RP1: variants seen among roughly 807,000 people sequenced by gnomAD.
RP1 encodes the protein oxygen-regulated protein 1.
Under a neutral mutation model 14.8 loss-of-function variants are expected in RP1, and 16 were observed. The observed-to-expected ratio is 1.08, with a 90% CI of 0.73 to 1.65. The LOEUF (loss-of-function observed/expected upper bound fraction) is 1.65. Among genes scored for constraint, RP1 ranks in the 40% most tolerant of loss-of-function variants. RP1 has a pLI of 0.00. For missense variants in RP1, 2,631 were observed against 2,535.0 expected (o/e 1.04, Z -0.81); for synonymous variants, 876 against 883.6 (o/e 0.99, Z 0.15).
chr8:54,575,593 C>T (rs955081742), intron 1 of RP1, among the ~76,000 whole-genome samples: 1 of 152,136 alleles, frequency 6.6e-6, no homozygotes, highest in Non-Finnish European at 1.5e-5. Flanking sequence ...TTACGACAAT[C>T]GTCACCTCGT....
chr8:54,652,785 A>G, exon 5 of RP1: 4 of 1,535,340 alleles, frequency 2.6e-6, no homozygotes, highest in Non-Finnish European at 2.6e-6. Flanking sequence ...CATAGATAAC[A>G]GTTGGAGACA....
downstream of RP1, among the ~76,000 whole-genome samples, chr8:54,771,454 A>G (rs1385387385): frequency 6.6e-6 from 1 of 152,082 alleles, no homozygotes; most frequent in African/African-American, 2.4e-5. Context: ...AACATCAGTG[A>G]TGTCAAACAT....
At chr8:54,621,914 C>G (rs573403551) in intron 2 of RP1, among the ~76,000 whole-genome samples, 26 of 152,258 alleles carry the variant, frequency 1.7e-4, no homozygotes, top group Admixed American at 7.8e-4. Context: ...GGGATCCCTG[C>G]TGGGACGTAA....
At chr8:54,708,584 C>T (rs1452150434) in intron 15 of RP1, among the ~76,000 whole-genome samples, 1 of 152,142 alleles carries the variant, frequency 6.6e-6, no homozygotes, top group African/African-American at 2.4e-5. Context: ...TGGTCTCGAT[C>T]TTCTGACCTC....
In RP1 at chr8:54,624,700, C is replaced by A. The variant is rs768609096; in HGVS notation, c.818C>A (p.Ser273Tyr). Residue 273 changes from serine to tyrosine, a missense_variant, in exon 4 of 4, where the codon TCC becomes TAC. Physicochemically the swap from Ser to Tyr is moderately radical, Grantham distance 144. Transcript: ENST00000220676. ...ACACATATGTCTTCAAGCTCAAGGT[C>A]CCAGATTTATTCTGTTTCTTCTGAG... is the stretch of plus-strand genomic sequence containing the variant. ...ISTHMSSSSRSQIYSVSSEKT... is the reference protein window; with the variant it reads ...ISTHMSSSSRYQIYSVSSEKT... The A allele has an allele frequency of 6.2e-7, 1 of 1,613,840 alleles. No individual in the cohort carries two copies. Among genetic ancestry groups the A allele is most frequent in the Non-Finnish European group, 8.5e-7 (1 of 1,179,922 alleles).
At chr8:54,762,759 C>T (rs998052973) in intron 22 of RP1, among the ~76,000 whole-genome samples, 1 of 152,184 alleles carries the variant, frequency 6.6e-6, no homozygotes, top group Non-Finnish European at 1.5e-5. Context: ...CAGGTGTCAT[C>T]GGGGCCTCAC....
At chr8:54,747,327 T>C (rs1809250460) in intron 19 of RP1, among the ~76,000 whole-genome samples, 1 of 152,208 alleles carries the variant, frequency 6.6e-6, no homozygotes, top group Non-Finnish European at 1.5e-5. Flanking sequence ...TCTCCTGCTT[T>C]AGAGGTCCTT....
intron 24 of RP1, among the ~76,000 whole-genome samples, chr8:54,802,621 C>A (rs952543421): frequency 2.6e-5 from 4 of 152,168 alleles, no homozygotes; most frequent in Non-Finnish European, 4.4e-5. Flanking sequence ...TCAAAGGCTG[C>A]TATTCATTTC....
At chr8:54,704,415 T>C (rs1057363139) in intron 14 of RP1, among the ~76,000 whole-genome samples, 2 of 152,206 alleles carry the variant, frequency 1.3e-5, no homozygotes, top group Admixed American at 1.3e-4. Flanking sequence ...CTGTCTTATA[T>C]GAGCATAGTT....
intron 22 of RP1, among the ~76,000 whole-genome samples, chr8:54,761,868 G>A (rs1418893635): frequency 6.6e-6 from 1 of 152,104 alleles, no homozygotes; most frequent in African/African-American, 2.4e-5. Flanking sequence ...ATTCTTAAAG[G>A]AGCAGAAGAG....
chr8:54,578,349 G>A (rs753566165), intron 1 of RP1, among the ~76,000 whole-genome samples: 6 of 152,036 alleles, frequency 3.9e-5, no homozygotes, highest in Non-Finnish European at 8.8e-5. Context: ...TGGGACTATA[G>A]GTGCACCATC....
intron 3 of RP1, among the ~76,000 whole-genome samples, chr8:54,642,655 A>G (rs1290377928): frequency 6.6e-6 from 1 of 152,160 alleles, no homozygotes; most frequent in Non-Finnish European, 1.5e-5. Context: ...TGCTACTTAG[A>G]TAAGGAGACT....
At chr8:54,790,212 G>C (rs185157505) in intron 24 of RP1, among the ~76,000 whole-genome samples, 5 of 152,264 alleles carry the variant, frequency 3.3e-5, no homozygotes, top group Admixed American at 3.3e-4. Context: ...CCACCTTGCA[G>C]CTCCACCCAA....
At chr8:54,824,400 G>A (rs2129397945) in intron 24 of RP1, among the ~76,000 whole-genome samples, 1 of 152,244 alleles carries the variant, frequency 6.6e-6, no homozygotes, top group East Asian at 1.9e-4. Context: ...CCTATAATCA[G>A]CAAGGAAATT....
chr8:54,727,467 G>C (rs2129353135), intron 17 of RP1, among the ~76,000 whole-genome samples: 1 of 152,110 alleles, frequency 6.6e-6, no homozygotes, highest in South Asian at 2.1e-4. Context: ...AAATCCCTGG[G>C]GGATAGATAC....
chr8:54,848,792 AGGCTAGAGTGCAGT>A (rs1811989758), intron 25 of RP1, among the ~76,000 whole-genome samples: 1 of 152,184 alleles, frequency 6.6e-6, no homozygotes, highest in Non-Finnish European at 1.5e-5. Flanking sequence ...TCTGTTGCCC[AGGCTAGAGTGCAGT>A]GGCACGATCT....
intron 1 of RP1, among the ~76,000 whole-genome samples, chr8:54,585,784 C>T (rs7817105): frequency 0.021 from 3,122 of 152,246 alleles, 109 homozygotes; most frequent in African/African-American, 0.07. Context: ...TCCTGTTGAT[C>T]GAATCGGCTA....
intron 21 of RP1, among the ~76,000 whole-genome samples, chr8:54,756,237 T>C (rs761087986): frequency 6.6e-6 from 1 of 152,230 alleles, no homozygotes; most frequent in Non-Finnish European, 1.5e-5. Context: ...TTTCCTTTTG[T>C]CCTTATAGAC....
chr8:54,609,821 C>G (rs942077878), intron 1 of RP1, among the ~76,000 whole-genome samples: 1 of 152,194 alleles, frequency 6.6e-6, no homozygotes, highest in Non-Finnish European at 1.5e-5. Flanking sequence ...ACATACACCT[C>G]TGTTGTGCAT....
Sources: allele counts gnomAD v4.1 joint callset (sites outside exome capture counted in the v4.1 genomes callset), GRCh38; gene constraint gnomAD v4.1.1; transcripts MANE v1.5; gene names NCBI Gene and HGNC (gene_info 2026-07-23, HGNC 2026-07-21).